The following GAD1 variants were observed in gnomAD, a reference collection of about 807,000 sequenced individuals.
The protein encoded by GAD1 is glutamate decarboxylase 1, also known as 67 kDa glutamic acid decarboxylase.
A neutral mutation model predicts 75.2 loss-of-function variants in GAD1; 35 were observed. The observed-to-expected ratio is 0.47, with a 90% confidence interval of 0.36 to 0.62. The LOEUF (loss-of-function observed/expected upper bound fraction) is 0.62. Among genes scored for constraint, GAD1 ranks in the 20% least tolerant of loss-of-function variants. The pLI, the probability that GAD1 is intolerant of heterozygous loss-of-function variation, is 0.00. For synonymous variants in GAD1, 257 were observed against 271.9 expected (o/e 0.95, Z 0.54); for missense variants, 490 against 758.5 (o/e 0.65, Z 4.16).
chr2:170,823,983 G>A (rs1701962180), intron 3 of GAD1, among the ~76,000 whole-genome samples: 1 of 152,182 alleles, frequency 6.6e-6, no homozygotes, highest in Non-Finnish European at 1.5e-5. Flanking sequence ...GGACATACCC[G>A]ACGAGTTCAG....
chr2:170,819,896 G>T lies in GAD1; in HGVS notation c.82+1223G>T, dbSNP rs536261752. On this transcript the variant is annotated intron_variant, in intron 2 of 16. Coordinates refer to ENST00000358196, the MANE Select transcript of GAD1 (RefSeq NM_000817.3). The stretch of plus-strand genomic sequence containing the variant: ...TTTAGACGCTGGCATTGGCTCCCGG[G>T]CAGGAGGTCTCGTGTTAAGTCCTCA... Among the ~76,000 whole-genome samples the T allele has an allele frequency of 4.6e-5, 7 of 152,268 alleles. No homozygotes were observed. The South Asian group carries it at 1.5e-3, about 32-fold the overall frequency.
chr2:170,852,893 CGA>C (rs1559285672), intron 13 of GAD1, 101 bp downstream of exon 13: 1 of 1,003,674 alleles, frequency 1.0e-6, no homozygotes, highest in South Asian at 1.3e-5. Flanking sequence ...GGCTGACTCA[CGA>C]GATTGGCAGC....
chr2:170,854,951 A>G (rs1702821335), intron 14 of GAD1, among the ~76,000 whole-genome samples: 1 of 152,210 alleles, frequency 6.6e-6, no homozygotes, highest in South Asian at 2.1e-4. Flanking sequence ...TGAGTGAGGG[A>G]GAGGATTACC....
chr2:170,840,643 AGGAGGGAGGTAGGGAAG>A (rs1559279903), intron 6 of GAD1, among the ~76,000 whole-genome samples: 1 of 83,350 alleles, frequency 1.2e-5, no homozygotes. Flanking sequence ...AAGGGAGGAA[AGGAGGGAGGTAGGGAAG>A]GGAGGGAGGG....
rs202061730 is a variant in GAD1, at chr2:170,859,870, C to A, written c.1773C>A (p.Gly591=). The change falls in exon 17 of 17, where the codon GGC becomes GGA. Residue 591 remains glycine (G), a synonymous_variant. Coordinates refer to ENST00000358196, the MANE Select transcript of GAD1 (RefSeq NM_000817.3). ...DFLIEEIERL[G]QDL is the part of the protein sequence containing the mutation. Reference sequence around the variant, plus strand: ...TCATTGAGGAGATAGAAAGACTGGGCCAGGATCTGTAATCATCCTTCGCAG... The same window carrying A: ...TCATTGAGGAGATAGAAAGACTGGGACAGGATCTGTAATCATCCTTCGCAG... 50 of 1,614,058 alleles carry A rather than the reference C, an allele frequency of 3.1e-5. No homozygotes were observed. The African/African-American group carries it at 6.3e-4, about 20-fold the overall frequency.
intron 12 of GAD1, among the ~76,000 whole-genome samples, chr2:170,850,060 C>T (rs1221480156): frequency 7.9e-5 from 12 of 152,228 alleles, no homozygotes; most frequent in Admixed American, 7.8e-4. Flanking sequence ...TACTGAGCAC[C>T]TATCATGAGC....
At chr2:170,855,090 TCTAA>T (rs1575446750) in intron 14 of GAD1, among the ~76,000 whole-genome samples, 2 of 151,886 alleles carry the variant, frequency 1.3e-5, no homozygotes, top group South Asian at 2.1e-4. Flanking sequence ...TAAGATTGAG[TCTAA>T]CTGTCTAACT....
chr2:170,847,867 C>T, intron 11 of GAD1, 75 bp downstream of exon 11: 4 of 938,590 alleles, frequency 4.3e-6, no homozygotes, highest in South Asian at 1.3e-5. Context: ...CCTCAAGCTT[C>T]TCCCCACGCC....
At chr2:170,834,314 G>A (rs3791854) in intron 5 of GAD1, among the ~76,000 whole-genome samples, 26,284 of 152,122 alleles carry the variant, frequency 0.17, 2,928 homozygotes, top group South Asian at 0.34. Flanking sequence ...ACAGTAGAAA[G>A]TATTTTTTCA....
chr2:170,847,714 G>A lies in GAD1; in HGVS notation c.1041G>A (p.Thr347=), dbSNP rs1473260689. 1.4e-5 allele frequency: 22 copies of A among 1,613,952 alleles called. No homozygotes were observed. The highest frequency in any genetic ancestry group is 2.2e-5 in the East Asian group (1 of 44,902). ...TTTATGTCAATGCAACTGCTGGCAC[G>A]ACTGTTTATGGAGCTTTTGATCCGA... The part of the protein sequence containing the change: ...VPFYVNATAG[T]TVYGAFDPIQ... The change falls in exon 11 of 17, where the codon ACG becomes ACA. Residue 347 remains threonine (T), a synonymous_variant. Coordinates refer to ENST00000358196, the MANE Select transcript of GAD1 (RefSeq NM_000817.3).
In GAD1 at chr2:170,857,135, C is replaced by T. The variant is rs1395815869; in HGVS notation, c.1521+10C>T. The T allele has an allele frequency of 6.3e-7, 1 of 1,590,868 alleles. No homozygotes were observed. Among genetic ancestry groups the T allele is most frequent in the Admixed American group, 1.7e-5 (1 of 59,988 alleles). On this transcript the variant is annotated intron_variant, in intron 15 of 16. Transcript: ENST00000358196. ...GGTTTTCAATGGCGAGGTAGGTAAT[C>T]ATCATGGACCAGGTACACAGTATTT...
At chr2:170,828,125 A>G (rs868428126) in intron 3 of GAD1, among the ~76,000 whole-genome samples, 7 of 108,088 alleles carry the variant, frequency 6.5e-5, no homozygotes, top group Admixed American at 9.3e-5. Flanking sequence ...TGCTGTCCTC[A>G]CCCTCCTCCC....
intron 3 of GAD1, 195 bp from the exon 4 acceptor site, chr2:170,829,280 T>A: frequency 3.2e-6 from 2 of 622,354 alleles, no homozygotes; most frequent in South Asian, 3.8e-5. Context: ...CCTCTGCCAC[T>A]GATGACATTT....
At chr2:170,831,703 AAAT>A (rs909066152) in intron 5 of GAD1, among the ~76,000 whole-genome samples, 190 of 143,692 alleles carry the variant, frequency 1.3e-3, no homozygotes, top group Middle Eastern at 7.2e-3. Context: ...TAATAATTAT[AAAT>A]AATAAAATTT....
At chr2:170,822,205 G>C in intron 3 of GAD1, 56 bp downstream of exon 3, 3 of 1,437,690 alleles carry the variant, frequency 2.1e-6, no homozygotes, top group Non-Finnish European at 2.9e-6. Context: ...CGGACCTTTG[G>C]GGCTTGGGAG....
chr2:170,843,835 C>G (rs928717934), intron 6 of GAD1: 1 of 567,312 alleles, frequency 1.8e-6, no homozygotes, highest in South Asian at 2.0e-5. Context: ...AGGGCTGGCA[C>G]TTCCACCACC....
At chr2:170,831,222 T>A (rs1254967228) in intron 5 of GAD1, 30 bp downstream of exon 5, 1 of 1,612,994 alleles carries the variant, frequency 6.2e-7, no homozygotes, top group Admixed American at 1.7e-5. Flanking sequence ...AGACAGGTAG[T>A]GGCAACTTTG....
intron 14 of GAD1, among the ~76,000 whole-genome samples, chr2:170,856,641 A>G (rs991294751): frequency 3.3e-5 from 5 of 152,332 alleles, no homozygotes; most frequent in African/African-American, 7.2e-5. Context: ...CCTTTGTCCA[A>G]TTGCCATTAA....
intron 14 of GAD1, among the ~76,000 whole-genome samples, chr2:170,855,798 A>G (rs375110066): frequency 1.4e-5 from 2 of 143,024 alleles, no homozygotes; most frequent in African/African-American, 5.3e-5. Context: ...ACTTGAGCCC[A>G]GGAGGCGGAG....
Sources: gnomAD v4.1 joint callset for allele counts (sites outside exome capture counted in the v4.1 genomes callset) on GRCh38, gnomAD v4.1.1 for gene constraint, MANE v1.5 for transcripts, NCBI Gene and HGNC (gene_info 2026-07-23, HGNC 2026-07-21) for gene names.